PIK3C2G: variants seen among roughly 807,000 people sequenced by gnomAD.
The protein encoded by PIK3C2G is phosphatidylinositol 3-kinase C2 domain-containing subunit gamma.
A neutral mutation model predicts 181.1 loss-of-function variants in PIK3C2G; 168 were observed. The ratio of observed to expected loss-of-function variants is 0.93; its 90% CI spans 0.82 to 1.05. The LOEUF is 1.05. Ranked by LOEUF, PIK3C2G falls within the 50% of genes least tolerant of loss-of-function variation. The probability of loss-of-function intolerance (pLI) is 0.00; values close to 1 mark genes in which losing one functional copy is unlikely to be tolerated. For synonymous variants in PIK3C2G, 573 were observed against 592.2 expected (o/e 0.97, Z 0.47); for missense variants, 1,869 against 1,732.8 (o/e 1.08, Z -1.40).
chr12:18,478,778 C>A (rs955252839), intron 18 of PIK3C2G, among the ~76,000 whole-genome samples: 6 of 152,036 alleles, frequency 3.9e-5, no homozygotes, highest in Non-Finnish European at 5.9e-5. Context: ...AGTTCCAGAC[C>A]AGCCTGGGCA....
At chr12:18,680,867 A>G in the PIK3C2G span, among the ~76,000 whole-genome samples, 2 of 152,092 alleles carry the variant, frequency 1.3e-5, no homozygotes, top group Non-Finnish European at 2.9e-5. Flanking sequence ...GTCGTCAAGA[A>G]CAGGGGTCAA....
At chr12:18,658,681 T>A in the PIK3C2G span, among the ~76,000 whole-genome samples, 3 of 152,148 alleles carry the variant, frequency 2.0e-5, no homozygotes, top group Admixed American at 2.0e-4. Flanking sequence ...ATAACCGACC[T>A]GTAACTTTAA....
At chr12:18,268,510 A>T (rs1948606445) in intron 1 of PIK3C2G, among the ~76,000 whole-genome samples, 1 of 152,058 alleles carries the variant, frequency 6.6e-6, no homozygotes, top group Non-Finnish European at 1.5e-5. Context: ...GTTTTTACAA[A>T]GTTTTCTGAA....
intron 16 of PIK3C2G, among the ~76,000 whole-genome samples, chr12:18,411,126 C>A (rs991437218): frequency 5.9e-5 from 9 of 152,092 alleles, no homozygotes; most frequent in African/African-American, 2.2e-4. Context: ...GATTACATTG[C>A]TTACTATTAA....
upstream of PIK3C2G, among the ~76,000 whole-genome samples, chr12:18,257,837 G>A (rs572832175): frequency 8.1e-6 from 1 of 123,624 alleles, no homozygotes; most frequent in South Asian, 3.0e-4. Context: ...GAAAGAGAAA[G>A]GAAAAGAAAG....
At chr12:18,716,423 G>A in the PIK3C2G span, among the ~76,000 whole-genome samples, 3 of 152,176 alleles carry the variant, frequency 2.0e-5, no homozygotes, top group African/African-American at 7.2e-5. Flanking sequence ...CAGTGATTAT[G>A]CAATGTCATG....
At chr12:18,636,328 G>A (rs760449875) in intron 31 of PIK3C2G, among the ~76,000 whole-genome samples, 1 of 152,128 alleles carries the variant, frequency 6.6e-6, no homozygotes, top group Non-Finnish European at 1.5e-5. Context: ...TGCCTCGTGG[G>A]TTCAAAGGAA....
intron 12 of PIK3C2G, 79 bp from the exon 13 acceptor site, chr12:18,371,101 C>T (rs1942024757): frequency 1.7e-6 from 2 of 1,185,068 alleles, no homozygotes; most frequent in Non-Finnish European, 2.3e-6. Context: ...TTGTCCCAGA[C>T]CAGTACATTA....
chr12:18,422,478 T>C (rs1945543940), intron 17 of PIK3C2G, among the ~76,000 whole-genome samples: 1 of 152,076 alleles, frequency 6.6e-6, no homozygotes, highest in South Asian at 2.1e-4. Context: ...GTTAGAATTA[T>C]GCAGTCTATA....
chr12:18,644,623 A>T (rs1780524624), intron 32 of PIK3C2G, among the ~76,000 whole-genome samples: 1 of 152,110 alleles, frequency 6.6e-6, no homozygotes, highest in Admixed American at 6.6e-5. Context: ...AGTTATTGTT[A>T]TCTGTGTTAT....
chr12:18,646,363 A>C (rs1054261221), intron 32 of PIK3C2G, among the ~76,000 whole-genome samples: 7 of 152,174 alleles, frequency 4.6e-5, no homozygotes, highest in African/African-American at 1.7e-4. Flanking sequence ...AAAATTCTGG[A>C]AGAAGAGGTA....
chr12:18,338,646 T>C (rs1299876426), intron 9 of PIK3C2G, 98 bp downstream of exon 9: 2 of 796,526 alleles, frequency 2.5e-6, no homozygotes, highest in Admixed American at 4.2e-5. Context: ...TATTTCCGTG[T>C]GTATGTTTGT....
chr12:18,429,870 C>G (rs534261031), intron 18 of PIK3C2G, among the ~76,000 whole-genome samples: 1 of 152,176 alleles, frequency 6.6e-6, no homozygotes, highest in African/African-American at 2.4e-5. Context: ...TGACTGCTAA[C>G]AAAATACGGC....
intron 18 of PIK3C2G, among the ~76,000 whole-genome samples, chr12:18,453,778 T>C (rs978699121): frequency 5.3e-5 from 8 of 151,460 alleles, no homozygotes; most frequent in African/African-American, 1.9e-4. Context: ...AAAAAAAGTA[T>C]GCAAGTGAAC....
At chr12:18,685,857 CACACACACACACAT>C in the PIK3C2G span, among the ~76,000 whole-genome samples, 26 of 145,784 alleles carry the variant, frequency 1.8e-4, no homozygotes, top group Non-Finnish European at 3.6e-4. Context: ...CACACACACA[CACACACACACACAT>C]ACAATAATAT....
At chr12:18,718,249 T>C in the PIK3C2G span, among the ~76,000 whole-genome samples, 2 of 152,264 alleles carry the variant, frequency 1.3e-5, no homozygotes, top group African/African-American at 4.8e-5. Flanking sequence ...CTACTTGTCA[T>C]CTCAGCTGCT....
chr12:18,704,667 G>A, the PIK3C2G span, among the ~76,000 whole-genome samples: 1 of 152,080 alleles, frequency 6.6e-6, no homozygotes, highest in Admixed American at 6.6e-5. Context: ...AGAGAGAAGT[G>A]AAGTCCTGAT....
intron 29 of PIK3C2G, among the ~76,000 whole-genome samples, chr12:18,593,685 G>A (rs1472006145): frequency 6.6e-6 from 1 of 151,832 alleles, no homozygotes; most frequent in Non-Finnish European, 1.5e-5. Context: ...GTTTTACTAA[G>A]GAAAAGCTGT....
the PIK3C2G span, chr12:18,693,344 G>A: frequency 6.3e-6 from 10 of 1,581,068 alleles, no homozygotes; most frequent in South Asian, 1.1e-4. Flanking sequence ...ATACTGGGGG[G>A]TTGGACAACC....
Sources: gnomAD v4.1 joint callset for allele counts (sites outside exome capture counted in the v4.1 genomes callset) on GRCh38, gnomAD v4.1.1 for gene constraint, MANE v1.5 for transcripts, NCBI Gene and HGNC (gene_info 2026-07-23, HGNC 2026-07-21) for gene names.